MAP3K20: variants seen among roughly 807,000 people sequenced by gnomAD.
The protein encoded by MAP3K20 is HCCS-4.
MAP3K20 carries 40 observed loss-of-function variants against 85.7 expected under a neutral mutation model. That is an observed-to-expected ratio of 0.47 (90% confidence interval 0.36 to 0.61). MAP3K20 has a LOEUF of 0.61. MAP3K20 is among the 20% of genes least tolerant of loss of function. The pLI is 0.00. For synonymous variants in MAP3K20, 325 were observed against 327.7 expected (o/e 0.99, Z 0.09); for missense variants, 817 against 961.7 (o/e 0.85, Z 1.99).
chr2:173,225,247 GC>G, intron 11 of MAP3K20: 1 of 546,772 alleles, frequency 1.8e-6, no homozygotes, highest in Non-Finnish European at 2.3e-6. Context: ...GCTGCCCAGT[GC>G]CAGGAATAGT....
intron 16 of MAP3K20, among the ~76,000 whole-genome samples, chr2:173,255,068 T>C (rs1685127475): frequency 6.6e-6 from 1 of 152,194 alleles, no homozygotes; most frequent in African/African-American, 2.4e-5. Context: ...GCTACCTTCT[T>C]TTATGGTTCA....
At chr2:173,263,938 A>C in intron 19 of MAP3K20, 43 bp downstream of exon 19, 1 of 1,566,664 alleles carries the variant, frequency 6.4e-7, no homozygotes. Flanking sequence ...AGATTCCAGA[A>C]ACTTAATTAT....
At chr2:173,147,224 CT>C in intron 2 of MAP3K20, among the ~76,000 whole-genome samples, 1 of 152,284 alleles carries the variant, frequency 6.6e-6, no homozygotes, top group Non-Finnish European at 1.5e-5. Context: ...TTCAGTTTAA[CT>C]TTCGTTGCTT....
At chr2:173,172,763 G>A (rs935006) in intron 3 of MAP3K20, among the ~76,000 whole-genome samples, 112,702 of 151,904 alleles carry the variant, frequency 0.74, 42,162 homozygotes, top group East Asian at 0.86. Flanking sequence ...GTCCAAAGCC[G>A]AAAGAAAAGA....
At chr2:173,084,535 C>A (rs1337988484) in intron 1 of MAP3K20, among the ~76,000 whole-genome samples, 2 of 149,518 alleles carry the variant, frequency 1.3e-5, no homozygotes, top group Non-Finnish European at 3.0e-5. Flanking sequence ...ATGACAAAAA[C>A]CAAAAACGGC....
At chr2:173,235,407 T>C (rs758986520) in intron 14 of MAP3K20, among the ~76,000 whole-genome samples, 5 of 152,234 alleles carry the variant, frequency 3.3e-5, no homozygotes, top group Non-Finnish European at 5.9e-5. Context: ...TCCTCGTTGT[T>C]GCTTACTTAT....
chr2:173,178,385 T>C (rs1255796099), intron 3 of MAP3K20, among the ~76,000 whole-genome samples: 2 of 152,248 alleles, frequency 1.3e-5, no homozygotes, highest in Non-Finnish European at 2.9e-5. Context: ...GGCTCCAGCC[T>C]GTAATCTTAG....
At chr2:173,102,461 T>G (rs1687664080) in intron 2 of MAP3K20, among the ~76,000 whole-genome samples, 1 of 152,238 alleles carries the variant, frequency 6.6e-6, no homozygotes, top group Admixed American at 6.5e-5. Context: ...AAGATGCTTT[T>G]TCTTAGCCCT....
chr2:173,106,643 T>C (rs72905080), intron 2 of MAP3K20, among the ~76,000 whole-genome samples: 42,822 of 151,944 alleles, frequency 0.28, 7,458 homozygotes, highest in Non-Finnish European at 0.39. Flanking sequence ...CCTGAGTACA[T>C]TGAAGGAAAA....
In MAP3K20 at chr2:173,198,993, C is replaced by T. The variant is rs920546161; in HGVS notation, c.669+881C>T. ...TCATGTAATGGAAGCAAGCAGTTGT[C>T]TTTGCAATGCAAAACTACTTTATTT... is the stretch of plus-strand genomic sequence containing the variant. On this transcript the variant is annotated intron_variant, in intron 8 of 19. Transcript: ENST00000375213. The surrounding 1 kb of genome is among the most constrained non-coding windows in gnomAD (Gnocchi z 5.8). 3.3e-5 allele frequency among the ~76,000 whole-genome samples: 5 copies of T among 152,358 alleles called. 1 individual carries two copies. In the South Asian group the frequency reaches 1.0e-3, roughly 32 times the overall value.
Position 173,209,756 on chromosome 2 carries a change from T to C in MAP3K20, c.772T>C (p.Ser258Pro). Reference sequence around the variant, plus strand: ...ACGGCCATCATTCAAGCAAATCATTTCAATCCTGGAGTCCATGTCAAATGA... The same window carrying C: ...ACGGCCATCATTCAAGCAAATCATTCCAATCCTGGAGTCCATGTCAAATGA... ...KKRPSFKQII[S>P]ILESMSNDTS... The change falls in exon 10 of 20, where the codon TCA (serine) becomes CCA (proline). Residue 258 changes from serine to proline, a missense_variant. Around this residue, in one of 4 missense-constraint regions of MAP3K20, gnomAD observed 158 missense variants for 162.0 expected, o/e 0.98. Coordinates refer to ENST00000375213, the MANE Select transcript of MAP3K20 (RefSeq NM_016653.3). 6.2e-7 allele frequency: 1 copy of C among 1,609,786 alleles called. No individual in the cohort carries two copies. Among genetic ancestry groups the C allele is most frequent in the Non-Finnish European group, 8.5e-7 (1 of 1,178,754 alleles).
upstream of MAP3K20, chr2:173,075,816 G>A: frequency 1.0e-6 from 1 of 985,562 alleles, no homozygotes; most frequent in Non-Finnish European, 1.2e-6. Flanking sequence ...GCGCCGGGAG[G>A]TAGGTGGTGC....
chr2:173,241,201 TTA>T (rs1459716840), intron 16 of MAP3K20, among the ~76,000 whole-genome samples: 1 of 152,186 alleles, frequency 6.6e-6, no homozygotes, highest in African/African-American at 2.4e-5. Context: ...TCAACAATAA[TTA>T]TATGTTTTTA....
At chr2:173,124,194 G>T (rs947722442) in intron 2 of MAP3K20, among the ~76,000 whole-genome samples, 7 of 152,144 alleles carry the variant, frequency 4.6e-5, no homozygotes, top group African/African-American at 1.7e-4. Flanking sequence ...ATTTTTGAGG[G>T]TCTGTAACCA....
intron 1 of MAP3K20, among the ~76,000 whole-genome samples, chr2:173,080,882 G>A (rs1686995195): frequency 6.6e-6 from 1 of 151,986 alleles, no homozygotes; most frequent in South Asian, 2.1e-4. Context: ...CCTTCTTTCT[G>A]GACTCATCTC....
intron 19 of MAP3K20, 102 bp from the exon 20 acceptor site, chr2:173,265,948 A>G: frequency 8.3e-7 from 1 of 1,200,890 alleles, no homozygotes; most frequent in Non-Finnish European, 1.2e-6. Flanking sequence ...GGTAAAGCTT[A>G]GAGCATCCCA....
At chr2:173,143,161 TAGAA>T (rs986809303) in intron 2 of MAP3K20, among the ~76,000 whole-genome samples, 80 of 152,186 alleles carry the variant, frequency 5.3e-4, no homozygotes, top group African/African-American at 1.4e-3. Flanking sequence ...GGTATGCAAA[TAGAA>T]AGCATAATAA....
chr2:173,233,160 C>A (rs1684562255), intron 14 of MAP3K20, among the ~76,000 whole-genome samples: 1 of 152,172 alleles, frequency 6.6e-6, no homozygotes, highest in African/African-American at 2.4e-5. Context: ...CCCAGAATAG[C>A]AGGAGGTGAC....
chr2:173,168,522 A>C (rs375355012), intron 2 of MAP3K20, among the ~76,000 whole-genome samples: 6 of 152,164 alleles, frequency 3.9e-5, no homozygotes, highest in Non-Finnish European at 8.8e-5. Context: ...CTATGAAAAA[A>C]ACTGATTAGC....
Sources: gnomAD v4.1 joint callset for allele counts (sites outside exome capture counted in the v4.1 genomes callset) on GRCh38, gnomAD v4.1.1 for gene constraint, gnomAD v4.1.1 regional missense constraint, Gnocchi (gnomAD v3.1) non-coding constraint, MANE v1.5 for transcripts, NCBI Gene and HGNC (gene_info 2026-07-23, HGNC 2026-07-21) for gene names.